Variants in BCAS3 observed in about 807,000 individuals in gnomAD.
BCAS3 encodes the protein BCAS4/BCAS3 fusion.
BCAS3 carries 53 observed loss-of-function variants against 116.1 expected under a neutral mutation model. The ratio of observed to expected loss-of-function variants is 0.46; its 90% CI spans 0.37 to 0.57. The LOEUF (loss-of-function observed/expected upper bound fraction) is 0.57. Ranked by LOEUF, BCAS3 falls within the 20% of genes least tolerant of loss-of-function variation. The pLI, the probability that BCAS3 is intolerant of heterozygous loss-of-function variation, is 0.00. For synonymous variants in BCAS3, 391 were observed against 408.2 expected, an observed-to-expected ratio of 0.96 and a Z score of 0.51; for missense variants, 917 against 1,165.4, an observed-to-expected ratio of 0.79 and a Z score of 3.10.
chr17:61,357,278 TA>T (rs1568930835), intron 22 of BCAS3, among the ~76,000 whole-genome samples: 6 of 144,754 alleles, frequency 4.1e-5, no homozygotes, highest in East Asian at 2.0e-4. Context: ...ATTAATTAAT[TA>T]AATAAATAAA....
At position 61,077,242 on chromosome 17, in the gene BCAS3, G is replaced by A. The variant is rs1301569423; in HGVS notation, c.2131-1091G>A. 6.6e-6 allele frequency among the ~76,000 whole-genome samples: 1 copy of A among 152,184 alleles called. No individual in the cohort carries two copies. Among genetic ancestry groups the A allele is most frequent in the Non-Finnish European group, 1.5e-5 (1 of 68,034 alleles). ...TGTTTAATAAAGTATTGGCGGCCGGGCGCAGTGGCTCACGCCTGTAATCCC... is the reference window on the plus strand; with the variant it reads ...TGTTTAATAAAGTATTGGCGGCCGGACGCAGTGGCTCACGCCTGTAATCCC... On this transcript the variant is annotated intron_variant, in intron 20 of 23. Transcript: ENST00000407086. This position sits in a 1 kb window ranked among gnomAD's most constrained non-coding sequence, Gnocchi z 4.3.
intron 6 of BCAS3, among the ~76,000 whole-genome samples, chr17:60,759,393 T>C (rs2144341306): frequency 6.6e-6 from 1 of 152,332 alleles, no homozygotes; most frequent in South Asian, 2.1e-4. Flanking sequence ...GTCTGTTGGG[T>C]CTGAAGTCCA....
At chr17:61,331,453 G>A (rs761513633) in intron 22 of BCAS3, among the ~76,000 whole-genome samples, 1 of 152,054 alleles carries the variant, frequency 6.6e-6, no homozygotes, top group Non-Finnish European at 1.5e-5. Flanking sequence ...CACAGGAGGA[G>A]GTCACCAGGT....
chr17:60,733,156 G>T (rs1183738363), intron 5 of BCAS3, among the ~76,000 whole-genome samples: 2 of 152,070 alleles, frequency 1.3e-5, no homozygotes, highest in African/African-American at 4.8e-5. Flanking sequence ...TTGTTGCCTG[G>T]TTAGATAAAT....
chr17:60,697,220 A>C (rs1446566430), intron 4 of BCAS3, among the ~76,000 whole-genome samples: 2 of 151,036 alleles, frequency 1.3e-5, no homozygotes, highest in Non-Finnish European at 2.9e-5. Context: ...TGAGGGAGGG[A>C]AGGAGGGAAG....
intron 13 of BCAS3, among the ~76,000 whole-genome samples, chr17:60,939,129 A>G (rs939540373): frequency 1.3e-5 from 2 of 152,168 alleles, no homozygotes; most frequent in East Asian, 1.9e-4. Context: ...TTGAGTTACA[A>G]TATTAAAAAA....
In BCAS3 at chr17:60,983,421, G is replaced by A. The variant is rs552508862; in HGVS notation, c.1222-6550G>A. Among the ~76,000 whole-genome samples, 43 of 151,944 alleles carry A rather than the reference G, an allele frequency of 2.8e-4. 1 individual carries two copies. Among genetic ancestry groups the A allele is most frequent in the African/African-American group, 9.7e-4 (40 of 41,450 alleles). On this transcript the variant is annotated intron_variant, in intron 14 of 23. Coordinates refer to ENST00000407086, the MANE Select transcript of BCAS3 (RefSeq NM_017679.5). ...ATATTATTTTACATCTTGTGGATAG[G>A]CAACTTGTTATCCTCTGTAATGTTA...
chr17:60,902,813 A>G, intron 11 of BCAS3, 110 bp downstream of exon 11: 1 of 855,696 alleles, frequency 1.2e-6, no homozygotes, highest in Non-Finnish European at 1.8e-6. Flanking sequence ...GTACTTATCC[A>G]ATTTTAAAGA....
chr17:61,016,593 A>G (rs1287419587), intron 16 of BCAS3, among the ~76,000 whole-genome samples: 4 of 152,214 alleles, frequency 2.6e-5, no homozygotes, highest in Admixed American at 1.3e-4. Context: ...TCAATTGTAT[A>G]TTAACACTGG....
In BCAS3 at chr17:61,061,270, A is replaced by C. The variant is rs114366050; in HGVS notation, c.2030-13650A>C. Among the ~76,000 whole-genome samples, 3 of 152,154 alleles carry C rather than the reference A, an allele frequency of 2.0e-5. No homozygotes were observed. The East Asian group carries it at 5.8e-4, about 29-fold the overall frequency. On this transcript the variant is annotated intron_variant, in intron 19 of 23. Coordinates refer to ENST00000407086, the MANE Select transcript of BCAS3 (RefSeq NM_017679.5). ...ATGTAATTCTTCCTGCTGCATAATG[A>C]TGTGGATTTTCCTAGTATGTAACTA...
rs898013593 is a variant in BCAS3, at chr17:61,349,774, G to A, written c.2426-18553G>A. On this transcript the variant is annotated intron_variant, in intron 22 of 23. Coordinates refer to ENST00000407086, the MANE Select transcript of BCAS3 (RefSeq NM_017679.5). This position sits in a 1 kb window ranked among gnomAD's most constrained non-coding sequence, Gnocchi z 4.7. ...GACCTAACACTGCTTCATGTCCCCA[G>A]CAGTGGAATTCTTGAAGAATGTTTA... Among the ~76,000 whole-genome samples the A allele has an allele frequency of 1.3e-5, 2 of 152,214 alleles. No individual in the cohort carries two copies. The highest frequency in any genetic ancestry group is 4.8e-5 in the African/African-American group (2 of 41,456).
At chr17:61,121,561 C>T (rs1239668187) in intron 22 of BCAS3, among the ~76,000 whole-genome samples, 1 of 152,196 alleles carries the variant, frequency 6.6e-6, no homozygotes, top group African/African-American at 2.4e-5. Flanking sequence ...TGGATTTATA[C>T]AACTTTATGG....
At chr17:60,713,099 G>C (rs187657410) in intron 5 of BCAS3, among the ~76,000 whole-genome samples, 137 of 152,268 alleles carry the variant, frequency 9.0e-4, no homozygotes, top group Non-Finnish European at 8.1e-4. Flanking sequence ...TCAGGAAAGG[G>C]AACTTGAGAG....
At chr17:60,821,412 T>C (rs532101750) in intron 7 of BCAS3, among the ~76,000 whole-genome samples, 33 of 152,302 alleles carry the variant, frequency 2.2e-4, no homozygotes, top group African/African-American at 7.5e-4. Context: ...TAATATTATG[T>C]GTTTGATGTG....
rs574849634 is a variant in BCAS3, at chr17:61,004,676, G to A, written c.1487-11075G>A. On this transcript the variant is annotated intron_variant, in intron 15 of 23. Transcript: ENST00000407086. This position sits in a 1 kb window ranked among gnomAD's most constrained non-coding sequence, Gnocchi z 4.8. ...ATGAGGTAAATGATATTTTGAATTT[G>A]GAGGAGGATGAGAAAAGGAAAAGGA... is the stretch of plus-strand genomic sequence containing the variant. 2.6e-5 allele frequency among the ~76,000 whole-genome samples: 4 copies of A among 152,190 alleles called. No homozygotes were observed. The highest frequency in any genetic ancestry group is 9.6e-5 in the African/African-American group (4 of 41,538).
chr17:60,787,916 C>G (rs2046415432), intron 6 of BCAS3, among the ~76,000 whole-genome samples: 1 of 149,308 alleles, frequency 6.7e-6, no homozygotes, highest in Non-Finnish European at 1.5e-5. Flanking sequence ...ATGAATAGTA[C>G]CTTTTTTTTT....
Position 61,130,508 on chromosome 17 carries a change from C to T in BCAS3, c.2425+45944C>T, listed in dbSNP as rs946479469. On this transcript the variant is annotated intron_variant, in intron 22 of 23. Transcript: ENST00000407086. The surrounding 1 kb of genome is among the most constrained non-coding windows in gnomAD (Gnocchi z 5.0). ...AGCCTCTCTAACCCTGCCACCTCCC[C>T]CAGTTTATGTTACGTAATATGGTGA... 6.6e-5 allele frequency among the ~76,000 whole-genome samples: 10 copies of T among 152,152 alleles called. No homozygotes were observed. The highest frequency in any genetic ancestry group is 2.2e-4 in the African/African-American group (9 of 41,436).
chr17:60,827,664 A>C (rs747366997), intron 7 of BCAS3, among the ~76,000 whole-genome samples: 10 of 152,200 alleles, frequency 6.6e-5, no homozygotes, highest in Non-Finnish European at 1.0e-4. Context: ...TGAAGCCATC[A>C]CATTCCAATC....
intron 22 of BCAS3, among the ~76,000 whole-genome samples, chr17:61,269,788 C>T (rs550463249): frequency 1.3e-5 from 2 of 150,702 alleles, no homozygotes; most frequent in South Asian, 2.1e-4. Context: ...TTCCTTTGGC[C>T]TTTTTCTTTC....
Sources: gnomAD v4.1 joint callset for allele counts (sites outside exome capture counted in the v4.1 genomes callset) on GRCh38, gnomAD v4.1.1 for gene constraint, Gnocchi (gnomAD v3.1) non-coding constraint, MANE v1.5 for transcripts, NCBI Gene and HGNC (gene_info 2026-07-23, HGNC 2026-07-21) for gene names.